Variants in ZHX3 observed in about 807,000 individuals in gnomAD.
The protein encoded by ZHX3 is zinc fingers and homeoboxes 3.
Under a neutral mutation model 64.5 loss-of-function variants are expected in ZHX3, and 20 were observed. The ratio of observed to expected loss-of-function variants is 0.31; its 90% CI spans 0.22 to 0.45. The LOEUF (loss-of-function observed/expected upper bound fraction) is 0.45, where lower values mean the gene tolerates loss of function less well. ZHX3 is among the 20% of genes least tolerant of loss of function. The probability of loss-of-function intolerance (pLI) is 1.00; values close to 1 mark genes in which losing one functional copy is unlikely to be tolerated. For missense variants in ZHX3, 1,041 were observed against 1,195.8 expected, an observed-to-expected ratio of 0.87 and a Z score of 1.91; for synonymous variants, 423 against 461.6, an observed-to-expected ratio of 0.92 and a Z score of 1.07.
At chr20:41,275,160 A>G (rs2043320251) in intron 1 of ZHX3, among the ~76,000 whole-genome samples, 1 of 152,076 alleles carries the variant, frequency 6.6e-6, no homozygotes, top group Non-Finnish European at 1.5e-5. Context: ...CTCCGTCTCA[A>G]AAAAAAAGAA....
In ZHX3 at chr20:41,184,608, G is replaced by A; in HGVS notation, c.*583C>T. On this transcript the variant is annotated 3_prime_UTR_variant, in exon 4 of 4. Coordinates refer to ENST00000683867, the MANE Select transcript of ZHX3 (RefSeq NM_001384317.1). ...ACGTAGCCGGTCATCACTTAATGCA[G>A]CAGAGATCTCTTCAAAGGTACTGCT... is the stretch of plus-strand genomic sequence containing the variant. The A allele has an allele frequency of 2.6e-6, 1 of 381,040 alleles. No homozygotes were observed. Among genetic ancestry groups the A allele is most frequent in the Non-Finnish European group, 4.8e-6 (1 of 206,984 alleles). The allele number at this position is 381,040 out of a possible 1,614,324, so 23.6% of individuals were successfully genotyped here.
chr20:41,250,718 C>CA (rs1292616061), intron 2 of ZHX3, among the ~76,000 whole-genome samples: 6 of 152,170 alleles, frequency 3.9e-5, no homozygotes, highest in African/African-American at 1.4e-4. Flanking sequence ...AGGATAAACT[C>CA]AAAGAAATCC....
rs775802302 is a variant in ZHX3, at chr20:41,203,477, G to A, written c.1440C>T (p.Leu480=). The change falls in exon 3 of 4, where the codon CTC becomes CTT. Residue 480 remains leucine, a synonymous_variant. Transcript: ENST00000683867. This position sits in a 1 kb window ranked among gnomAD's most constrained non-coding sequence, Gnocchi z 7.1. ...VKVVNAAQSL[L]TACPSITSQA... The stretch of plus-strand genomic sequence containing the variant: ...GGGAGGTTATGCTGGGGCAGGCCGT[G>A]AGGAGCGACTGGGCCGCATTGACCA... 6.2e-7 allele frequency: 1 copy of A among 1,614,210 alleles called. No individual in the cohort carries two copies. Among genetic ancestry groups the A allele is most frequent in the East Asian group, 2.2e-5 (1 of 44,880 alleles).
chr20:41,258,998 T>TA (rs140387774), intron 2 of ZHX3, among the ~76,000 whole-genome samples: 10,707 of 151,738 alleles, frequency 0.071, 405 homozygotes, highest in Middle Eastern at 0.18. Flanking sequence ...TTCTGCTTAT[T>TA]AAAAAAAAAC....
chr20:41,204,677 T>A lies in ZHX3; in HGVS notation c.240A>T (p.Lys80Asn). The A allele has an allele frequency of 6.2e-7, 1 of 1,614,212 alleles. No homozygotes were observed. The highest frequency in any genetic ancestry group is 8.5e-7 in the Non-Finnish European group (1 of 1,180,044). ...TGTCATGGGATCTGAAATCGCAGTA[T>A]TTACAGGAATATAAATAGCCATCTA... ...STLDGYLYSC[K>N]YCDFRSHDMT... is the part of the protein sequence containing the mutation. The change falls in exon 3 of 4, where the codon AAA becomes AAT. Residue 80 changes from lysine to asparagine, a missense_variant. Lys to Asn is a moderately conservative substitution (Grantham distance 94, BLOSUM62 0). Transcript: ENST00000683867. This position sits in a 1 kb window ranked among gnomAD's most constrained non-coding sequence, Gnocchi z 6.6.
chr20:41,189,117 T>C (rs1037999743), intron 3 of ZHX3, among the ~76,000 whole-genome samples: 8 of 152,228 alleles, frequency 5.3e-5, no homozygotes, highest in Non-Finnish European at 8.8e-5. Flanking sequence ...CATTGCATGT[T>C]CTTGGCACCT....
At chr20:41,314,947 G>A (rs1424946207) in intron 1 of ZHX3, among the ~76,000 whole-genome samples, 1 of 152,188 alleles carries the variant, frequency 6.6e-6, no homozygotes, top group African/African-American at 2.4e-5. Context: ...TCACACTTCA[G>A]GGTTAATGAG....
At chr20:41,217,213 C>A (rs142432666) in intron 2 of ZHX3, among the ~76,000 whole-genome samples, 5 of 151,988 alleles carry the variant, frequency 3.3e-5, no homozygotes, top group Non-Finnish European at 7.4e-5. Context: ...GTTGGTGATG[C>A]ACACTCGAAT....
At chr20:41,269,884 CAAA>C (rs758453044) in intron 1 of ZHX3, among the ~76,000 whole-genome samples, 1 of 140,500 alleles carries the variant, frequency 7.1e-6, no homozygotes, top group African/African-American at 2.6e-5. Flanking sequence ...TTTTGCCCCT[CAAA>C]AAAAAAAAAA....
chr20:41,209,634 C>T (rs2039002932), intron 2 of ZHX3, among the ~76,000 whole-genome samples: 1 of 152,308 alleles, frequency 6.6e-6, no homozygotes, highest in African/African-American at 2.4e-5. Flanking sequence ...GGAAAACTGG[C>T]TAGCCATATG....
intron 1 of ZHX3, among the ~76,000 whole-genome samples, chr20:41,292,944 C>T (rs1278803782): frequency 6.6e-6 from 1 of 152,200 alleles, no homozygotes; most frequent in African/African-American, 2.4e-5. Flanking sequence ...TCCAATTGAA[C>T]ATACACAGAG....
chr20:41,225,240 T>C (rs913957733), intron 2 of ZHX3, among the ~76,000 whole-genome samples: 1 of 152,168 alleles, frequency 6.6e-6, no homozygotes, highest in African/African-American at 2.4e-5. Context: ...ATTCGGTGAA[T>C]TGATAGGAAG....
intron 1 of ZHX3, among the ~76,000 whole-genome samples, chr20:41,271,107 G>A (rs1014795243): frequency 7.9e-5 from 12 of 152,076 alleles, no homozygotes; most frequent in African/African-American, 1.4e-4. Flanking sequence ...TGCAACCTCC[G>A]CCTCCCAAGT....
At position 41,185,321 on chromosome 20, in the gene ZHX3, A is replaced by G; in HGVS notation, c.2861-120T>C. The stretch of plus-strand genomic sequence containing the variant: ...GCTTTGAGGACCTCTTAATTCCATG[A>G]GCAATGAATGGCCTTCTGCCACCCA... On this transcript the variant is annotated intron_variant, in intron 3 of 3. Coordinates refer to ENST00000683867, the MANE Select transcript of ZHX3 (RefSeq NM_001384317.1). The surrounding 1 kb of genome is among the most constrained non-coding windows in gnomAD (Gnocchi z 5.0). The G allele has an allele frequency of 8.2e-7, 1 of 1,213,686 alleles. No homozygotes were observed. Among genetic ancestry groups the G allele is most frequent in the Non-Finnish European group, 1.1e-6 (1 of 875,714 alleles). 75.2% of individuals were successfully genotyped at this position (1,213,686 alleles called of 1,614,324 possible).
chr20:41,217,072 C>G (rs935577511), intron 2 of ZHX3, among the ~76,000 whole-genome samples: 1 of 152,078 alleles, frequency 6.6e-6, no homozygotes, highest in African/African-American at 2.4e-5. Context: ...ATAGATGAAA[C>G]TGGGGTTTCA....
intron 2 of ZHX3, among the ~76,000 whole-genome samples, chr20:41,208,403 G>C (rs2038898885): frequency 6.6e-6 from 1 of 152,140 alleles, no homozygotes; most frequent in African/African-American, 2.4e-5. Flanking sequence ...GAGAATTTTA[G>C]ACCAATATCC....
chr20:41,185,108 G>A lies in ZHX3; in HGVS notation c.*83C>T. 1 of 1,578,554 alleles carries A rather than the reference G, an allele frequency of 6.3e-7. No individual in the cohort carries two copies. The highest frequency in any genetic ancestry group is 8.6e-7 in the Non-Finnish European group (1 of 1,159,886). On this transcript the variant is annotated 3_prime_UTR_variant, in exon 4 of 4. Coordinates refer to ENST00000683867, the MANE Select transcript of ZHX3 (RefSeq NM_001384317.1). The surrounding 1 kb of genome is among the most constrained non-coding windows in gnomAD (Gnocchi z 5.0). ...GCAGCCGGGCATGGGAACGGCATGT[G>A]GCAGCAGAGAGTCGGGTTTGGCTCT...
chr20:41,202,988 G>C lies in ZHX3; in HGVS notation c.1929C>G (p.Asp643Glu). The C allele has an allele frequency of 6.2e-7, 1 of 1,614,084 alleles. No homozygotes were observed. ...TCATTTTGGTTTCACTTCTCAGGCG[G>C]TCCAGTTCCTCATCAAGAGGAAGAG... is the stretch of plus-strand genomic sequence containing the variant. ...QNPLPLDEEL[D>E]RLRSETKMTR... Residue 643 changes from aspartate to glutamate, a missense_variant, in exon 3 of 4, where the codon GAC becomes GAG. By Grantham distance (45) the Asp-to-Glu change is conservative. Around this residue, in one of 4 missense-constraint regions of ZHX3, gnomAD observed 649 missense variants for 739.8 expected, o/e 0.88. Transcript: ENST00000683867. This position sits in a 1 kb window ranked among gnomAD's most constrained non-coding sequence, Gnocchi z 7.0.
intron 1 of ZHX3, among the ~76,000 whole-genome samples, chr20:41,315,404 G>A (rs887832116): frequency 6.8e-6 from 1 of 146,748 alleles, no homozygotes; most frequent in African/African-American, 2.5e-5. Context: ...CATGCTGGCC[G>A]GGCTGGTCTC....
Sources: gnomAD v4.1 joint callset for allele counts (sites outside exome capture counted in the v4.1 genomes callset) on GRCh38, gnomAD v4.1.1 for gene constraint, gnomAD v4.1.1 regional missense constraint, Gnocchi (gnomAD v3.1) non-coding constraint, MANE v1.5 for transcripts, NCBI Gene and HGNC (gene_info 2026-07-23, HGNC 2026-07-21) for gene names.